LBH: variants seen among roughly 807,000 people sequenced by gnomAD.
The protein encoded by LBH is LBH regulator of Wnt signaling pathway, also known as protein LBH.
A neutral mutation model predicts 12.5 loss-of-function variants in LBH; 7 were observed. The ratio of observed to expected loss-of-function variants is 0.56; its 90% CI spans 0.32 to 1.05. The LOEUF (loss-of-function observed/expected upper bound fraction) is 1.05, where lower values mean the gene tolerates loss of function less well. LBH is among the 50% of genes least tolerant of loss of function. The pLI is 0.04. For missense variants in LBH, 119 were observed against 138.9 expected, an observed-to-expected ratio of 0.86 and a Z score of 0.72; for synonymous variants, 51 against 50.1, an observed-to-expected ratio of 1.02 and a Z score of -0.08.
At chr2:30,234,536 C>T in intron 2 of LBH, 29 bp downstream of exon 2, 1 of 1,533,606 alleles carries the variant, frequency 6.5e-7, no homozygotes, top group Non-Finnish European at 9.0e-7. Context: ...CCCTCTGACT[C>T]TCTAGAGCCT....
intron 2 of LBH, among the ~76,000 whole-genome samples, chr2:30,248,106 T>C (rs998401104): frequency 3.9e-5 from 6 of 152,230 alleles, no homozygotes; most frequent in Non-Finnish European, 7.3e-5. Context: ...TCTCTGTTAG[T>C]GTAGATGGTT....
At chr2:30,239,486 C>A (rs967427813) in intron 2 of LBH, among the ~76,000 whole-genome samples, 1 of 152,172 alleles carries the variant, frequency 6.6e-6, no homozygotes, top group Non-Finnish European at 1.5e-5. Flanking sequence ...AGCAGCTGCA[C>A]GCAAGTCCCA....
intron 2 of LBH, among the ~76,000 whole-genome samples, chr2:30,236,324 G>A (rs1230995088): frequency 6.6e-6 from 1 of 152,158 alleles, no homozygotes; most frequent in Non-Finnish European, 1.5e-5. Context: ...GCCAACCTGG[G>A]GCTGCAAGGG....
chr2:30,247,830 G>A (rs985509803), intron 2 of LBH, among the ~76,000 whole-genome samples: 3 of 152,158 alleles, frequency 2.0e-5, no homozygotes, highest in Admixed American at 6.5e-5. Context: ...GGGTGAGCTG[G>A]CGAACAATTG....
At chr2:30,257,323 C>A in intron 2 of LBH, 110 bp from the exon 3 acceptor site, 1 of 1,215,038 alleles carries the variant, frequency 8.2e-7, no homozygotes, top group Non-Finnish European at 1.2e-6. Context: ...AAAGCACAGT[C>A]CCTGGCCTAT....
chr2:30,231,910 C>A, intron 1 of LBH, 146 bp downstream of exon 1: 1 of 564,518 alleles, frequency 1.8e-6, no homozygotes, highest in Non-Finnish European at 2.6e-6. Context: ...GTGCAGGAGT[C>A]AACGTCAAGG....
intron 2 of LBH, among the ~76,000 whole-genome samples, chr2:30,252,616 C>T (rs1448442515): frequency 6.6e-6 from 1 of 151,716 alleles, no homozygotes; most frequent in East Asian, 1.9e-4. Flanking sequence ...GAGCAGAGAT[C>T]GTGCCACTGC....
At chr2:30,252,569 G>A (rs1432902038) in intron 2 of LBH, among the ~76,000 whole-genome samples, 5 of 152,198 alleles carry the variant, frequency 3.3e-5, no homozygotes, top group Admixed American at 1.3e-4. Context: ...GGCTGAGGCA[G>A]GAGAATGGCG....
chr2:30,247,513 T>C (rs1677896099), intron 2 of LBH, among the ~76,000 whole-genome samples: 2 of 152,222 alleles, frequency 1.3e-5, no homozygotes, highest in South Asian at 2.1e-4. Context: ...TTGTCCATTT[T>C]TGAGAAAATG....
chr2:30,246,454 T>C (rs551541790), intron 2 of LBH, among the ~76,000 whole-genome samples: 5 of 152,382 alleles, frequency 3.3e-5, no homozygotes, highest in African/African-American at 1.2e-4. Flanking sequence ...TTTTTACTTA[T>C]TCATTTAGAG....
chr2:30,236,752 G>A (rs1677694701), intron 2 of LBH, among the ~76,000 whole-genome samples: 1 of 152,136 alleles, frequency 6.6e-6, no homozygotes, highest in South Asian at 2.1e-4. Context: ...TCCAGGTGGG[G>A]GACATACAGA....
chr2:30,243,516 G>A (rs1048284893), intron 2 of LBH, among the ~76,000 whole-genome samples: 7 of 150,488 alleles, frequency 4.7e-5, no homozygotes, highest in Non-Finnish European at 1.0e-4. Flanking sequence ...ATTAAGGATG[G>A]GCTGGACTCT....
rs567421898 is a variant in LBH, at chr2:30,253,504, C to A, written c.130-3929C>A. On this transcript the variant is annotated intron_variant, in intron 2 of 2. Transcript: ENST00000395323. Reference sequence around the variant, plus strand: ...TTAATAGGCTTTGTAAACAAACAAACAAAAAAATTTAAACAGTGCTTGCTT... The same window carrying A: ...TTAATAGGCTTTGTAAACAAACAAAAAAAAAAATTTAAACAGTGCTTGCTT... Among the ~76,000 whole-genome samples, 3 of 152,160 alleles carry A rather than the reference C, an allele frequency of 2.0e-5. No individual in the cohort carries two copies. The South Asian group carries it at 6.2e-4, about 32-fold the overall frequency.
chr2:30,257,520 G>A lies in LBH; in HGVS notation c.217G>A (p.Val73Met), dbSNP rs143197806. 9 of 1,614,262 alleles carry A rather than the reference G, an allele frequency of 5.6e-6. No homozygotes were observed. The highest frequency in any genetic ancestry group is 7.6e-6 in the Non-Finnish European group (9 of 1,180,044). ...SIVVEPTEGEVESGELRWPPE... is the reference protein window; with the variant it reads ...SIVVEPTEGEMESGELRWPPE... Reference sequence around the variant, plus strand: ...AGTGGTGGAACCCACAGAAGGGGAGGTGGAGAGCGGGGAGCTCCGGTGGCC... The same window carrying A: ...AGTGGTGGAACCCACAGAAGGGGAGATGGAGAGCGGGGAGCTCCGGTGGCC... Residue 73 changes from valine (V) to methionine (M), a missense_variant, in exon 3 of 3, where the codon GTG becomes ATG. Transcript: ENST00000395323.
chr2:30,246,296 T>C (rs955725048), intron 2 of LBH, among the ~76,000 whole-genome samples: 1 of 152,196 alleles, frequency 6.6e-6, no homozygotes, highest in African/African-American at 2.4e-5. Context: ...CCAGGCCAAC[T>C]ATTCTCAAAC....
chr2:30,232,243 G>C (rs1160798622), intron 1 of LBH: 2 of 639,064 alleles, frequency 3.1e-6, no homozygotes, highest in Admixed American at 5.6e-5. Flanking sequence ...CGGGGGGGTG[G>C]GGGGCGGGAA....
At chr2:30,239,468 C>A (rs192586501) in intron 2 of LBH, among the ~76,000 whole-genome samples, 1 of 152,312 alleles carries the variant, frequency 6.6e-6, no homozygotes, top group East Asian at 1.9e-4. Flanking sequence ...GTTTGGGAGG[C>A]GCTGCTGAGC....
chr2:30,237,212 A>G (rs1417885394), intron 2 of LBH, among the ~76,000 whole-genome samples: 1 of 152,200 alleles, frequency 6.6e-6, no homozygotes, highest in African/African-American at 2.4e-5. Context: ...TAAGGAACTG[A>G]GAGTGGGAAG....
intron 2 of LBH, among the ~76,000 whole-genome samples, chr2:30,252,171 T>C (rs896133952): frequency 6.6e-6 from 1 of 152,158 alleles, no homozygotes; most frequent in African/African-American, 2.4e-5. Flanking sequence ...TGGGGGCGGT[T>C]ACTCTCATGC....
Sources: allele counts gnomAD v4.1 joint callset (sites outside exome capture counted in the v4.1 genomes callset), GRCh38; gene constraint gnomAD v4.1.1; transcripts MANE v1.5; gene names NCBI Gene and HGNC (gene_info 2026-07-23, HGNC 2026-07-21).